The following MOV10 variants were observed in gnomAD, a reference collection of about 807,000 sequenced individuals.
MOV10 encodes Mov10 RNA helicase.
A neutral mutation model predicts 108.4 loss-of-function variants in MOV10; 39 were observed. The observed-to-expected ratio is 0.36, with a 90% CI of 0.28 to 0.47. MOV10 has a LOEUF of 0.47. Ranked by LOEUF, MOV10 falls within the 20% of genes least tolerant of loss-of-function variation. The pLI is 1.00. For synonymous variants in MOV10, 490 were observed against 523.1 expected (o/e 0.94, Z 0.86); for missense variants, 952 against 1,297.6 (o/e 0.73, Z 4.09).
rs1015249569 is a variant in MOV10 at position 112,694,680 on chromosome 1, G to C, written c.1472+51G>C. 16 of 1,594,124 alleles carry C rather than the reference G, an allele frequency of 1.0e-5. No homozygotes were observed. Among genetic ancestry groups the C allele is most frequent in the Admixed American group, 3.4e-5 (2 of 59,046 alleles). ...GGAGCCACTTGGAGTGTGGGCACAG[G>C]GGGTGGAGTCAGGGAGGCCTCTGGG... On this transcript the variant is annotated intron_variant, in intron 9 of 20. Coordinates refer to ENST00000369645, the MANE Select transcript of MOV10 (RefSeq NM_001321324.2). The surrounding 1 kb of genome is among the most constrained non-coding windows in gnomAD (Gnocchi z 4.1).
intron 7 of MOV10, 65 bp downstream of exon 7, chr1:112,692,994 G>A: frequency 1.4e-6 from 2 of 1,469,952 alleles, no homozygotes; most frequent in Non-Finnish European, 1.9e-6. Context: ...GCTGTGGGCA[G>A]AACTATTCCT....
At chr1:112,685,805 G>GGTT (rs1429077023) in intron 2 of MOV10, among the ~76,000 whole-genome samples, 2 of 152,066 alleles carry the variant, frequency 1.3e-5, no homozygotes, top group Non-Finnish European at 2.9e-5. Context: ...CTGTTACCTA[G>GGTT]ACCAATGTTA....
chr1:112,676,191 C>T (rs1672187258), intron 2 of MOV10, among the ~76,000 whole-genome samples: 1 of 152,068 alleles, frequency 6.6e-6, no homozygotes, highest in South Asian at 2.1e-4. Flanking sequence ...TATGGGGACT[C>T]TTAAGATGAA....
intron 3 of MOV10, 52 bp downstream of exon 3, chr1:112,689,190 G>A (rs532667896): frequency 1.3e-6 from 2 of 1,519,274 alleles, no homozygotes; most frequent in African/African-American, 1.4e-5. Context: ...GGGTGTGAGG[G>A]AAGGGGGCTA....
At position 112,675,089 on chromosome 1, in the gene MOV10, A is replaced by T. The variant is rs761925372; in HGVS notation, c.137+40A>T. 54 of 1,568,782 alleles carry T rather than the reference A, an allele frequency of 3.4e-5. No individual in the cohort carries two copies. Among genetic ancestry groups the T allele is most frequent in the Non-Finnish European group, 4.6e-5 (53 of 1,161,858 alleles). ...ACTCCCGGCCCCGAATCGCGGGCCC[A>T]GCTTGCTGCCACGACCCCCGCGCGA... On this transcript the variant is annotated intron_variant, in intron 2 of 20. Transcript: ENST00000369645. The surrounding 1 kb of genome is among the most constrained non-coding windows in gnomAD (Gnocchi z 4.7).
At chr1:112,688,035 G>A (rs895040496) in intron 2 of MOV10, among the ~76,000 whole-genome samples, 3 of 151,994 alleles carry the variant, frequency 2.0e-5, no homozygotes, top group Non-Finnish European at 4.4e-5. Flanking sequence ...AGGCCTTCAT[G>A]GACACCTCCT....
At chr1:112,683,626 G>T (rs1316472999) in intron 2 of MOV10, among the ~76,000 whole-genome samples, 1 of 151,894 alleles carries the variant, frequency 6.6e-6, no homozygotes, top group Non-Finnish European at 1.5e-5. Flanking sequence ...GGCATGATCC[G>T]CTGTGCCTGG....
Position 112,696,545 on chromosome 1 carries a change from CAGGT to C in MOV10, c.1981+12_1981+15del, listed in dbSNP as rs1273237907. 6.2e-7 allele frequency: 1 copy of C among 1,612,428 alleles called. No individual in the cohort carries two copies. The highest frequency in any genetic ancestry group is 1.3e-5 in the African/African-American group (1 of 74,864). ...TGGTAGCTATAGCAGGTGAGGGACT[CAGGT>C]GGGGCTGCAGGTATACACCCTGTGT... On this transcript the variant is annotated intron_variant, in intron 13 of 20. Coordinates refer to ENST00000369645, the MANE Select transcript of MOV10 (RefSeq NM_001321324.2).
chr1:112,682,728 G>T (rs1423289142), intron 2 of MOV10, among the ~76,000 whole-genome samples: 3 of 152,122 alleles, frequency 2.0e-5, no homozygotes, highest in Non-Finnish European at 4.4e-5. Flanking sequence ...CATATAGTAT[G>T]TACTGTTGTG....
At position 112,696,693 on chromosome 1, in the gene MOV10, G is replaced by A. The variant is rs766050330; in HGVS notation, c.2045G>A (p.Arg682Gln). The change falls in exon 14 of 21, where the codon CGG (arginine) becomes CAG (glutamine). Residue 682 changes from arginine to glutamine, a missense_variant. Arg to Gln is a conservative substitution (Grantham distance 43, BLOSUM62 1). Coordinates refer to ENST00000369645, the MANE Select transcript of MOV10 (RefSeq NM_001321324.2). ...CAGCTGGTGCTGGCAGGAGACCCTCGGCAGCTGGGGCCTGTGCTGCGTTCC... is the reference window on the plus strand; with the variant it reads ...CAGCTGGTGCTGGCAGGAGACCCTCAGCAGCTGGGGCCTGTGCTGCGTTCC... ...GGQLVLAGDP[R>Q]QLGPVLRSPL... 18 of 1,609,156 alleles carry A rather than the reference G, an allele frequency of 1.1e-5. No individual in the cohort carries two copies. The highest frequency in any genetic ancestry group is 5.1e-5 in the Admixed American group (3 of 59,066).
At chr1:112,684,930 G>T (rs542723635) in intron 2 of MOV10, 150 of 152,220 alleles carry the variant, frequency 9.9e-4, no homozygotes, top group African/African-American at 3.4e-3. Context: ...CCTGTCATCT[G>T]CATTATGAGT....
At chr1:112,698,683 A>T (rs1334507738) in intron 16 of MOV10, 32 bp from the exon 17 acceptor site, 1 of 1,605,518 alleles carries the variant, frequency 6.2e-7, no homozygotes, top group South Asian at 1.1e-5. Flanking sequence ...GGTTAATGGC[A>T]CGAGAGAAAG....
At chr1:112,683,870 C>A (rs1003580384) in intron 2 of MOV10, among the ~76,000 whole-genome samples, 1 of 152,150 alleles carries the variant, frequency 6.6e-6, no homozygotes, top group African/African-American at 2.4e-5. Context: ...TACATTGGTA[C>A]TTTTCTTCCC....
At position 112,694,761 on chromosome 1, in the gene MOV10, G is replaced by A. The variant is rs1673912250; in HGVS notation, c.1485G>A (p.Arg495=). ...PSDVKLKLYD[R]SLESNPEQLQ... ...GTCCCTCTGCCAGGCTGTACGACCG[G>A]AGTCTGGAGTCAAACCCAGAGCAGC... is the stretch of plus-strand genomic sequence containing the variant. Residue 495 remains arginine, a synonymous_variant, in exon 10 of 21, where the codon CGG becomes CGA. Coordinates refer to ENST00000369645, the MANE Select transcript of MOV10 (RefSeq NM_001321324.2). This position sits in a 1 kb window ranked among gnomAD's most constrained non-coding sequence, Gnocchi z 4.1. 6.2e-7 allele frequency: 1 copy of A among 1,614,112 alleles called. No individual in the cohort carries two copies. The highest frequency in any genetic ancestry group is 1.1e-5 in the South Asian group (1 of 91,088).
intron 19 of MOV10, 30 bp downstream of exon 19, chr1:112,700,012 A>G: frequency 6.2e-7 from 1 of 1,612,814 alleles, no homozygotes; most frequent in Non-Finnish European, 8.5e-7. Context: ...TCTCCCTCTT[A>G]GTGGCCACAG....
At chr1:112,699,501 G>GT in intron 17 of MOV10, 184 bp from the exon 18 acceptor site, 1 of 1,438,946 alleles carries the variant, frequency 6.9e-7, no homozygotes, top group African/African-American at 1.4e-5. Flanking sequence ...CAACCTTCAT[G>GT]TTTCAGCTTC....
At chr1:112,681,039 T>TAC (rs1672609108) in intron 2 of MOV10, among the ~76,000 whole-genome samples, 1 of 151,970 alleles carries the variant, frequency 6.6e-6, no homozygotes, top group South Asian at 2.1e-4. Context: ...ATATCACACC[T>TAC]ACATAAGTTT....
chr1:112,681,946 A>AG (rs1672689931), intron 2 of MOV10, among the ~76,000 whole-genome samples: 1 of 147,016 alleles, frequency 6.8e-6, no homozygotes, highest in African/African-American at 2.5e-5. Flanking sequence ...CCCAGGCTGG[A>AG]GTGCAATGGC....
intron 5 of MOV10, among the ~76,000 whole-genome samples, chr1:112,691,189 GC>G (rs1673551753): frequency 6.6e-6 from 1 of 152,194 alleles, no homozygotes. Flanking sequence ...AGGAGCTGAG[GC>G]AGGAGAATTG....
Sources: allele counts gnomAD v4.1 joint callset (sites outside exome capture counted in the v4.1 genomes callset), GRCh38; gene constraint gnomAD v4.1.1; non-coding constraint Gnocchi (gnomAD v3.1); transcripts MANE v1.5; gene names NCBI Gene and HGNC (gene_info 2026-07-23, HGNC 2026-07-21).